KCNIP4: variants seen among roughly 807,000 people sequenced by gnomAD.
KCNIP4 encodes Kv channel-interacting protein 4.
In KCNIP4, 12 loss-of-function variants were observed where a neutral mutation model predicts 34.0. The ratio of observed to expected loss-of-function variants is 0.35; its 90% CI spans 0.23 to 0.57. The LOEUF is 0.57. Ranked by LOEUF, KCNIP4 falls within the 20% of genes least tolerant of loss-of-function variation. The probability of loss-of-function intolerance (pLI) is 0.83; values close to 1 mark genes in which losing one functional copy is unlikely to be tolerated. For missense variants in KCNIP4, 238 were observed against 311.7 expected (o/e 0.76, Z 1.78); for synonymous variants, 124 against 102.2 (o/e 1.21, Z -1.29).
At chr4:20,813,576 T>C (rs192662079) in intron 3 of KCNIP4, among the ~76,000 whole-genome samples, 112 of 152,304 alleles carry the variant, frequency 7.4e-4, no homozygotes, top group Non-Finnish European at 1.2e-3. Flanking sequence ...TTACATGGTA[T>C]CTAACATATT....
intron 1 of KCNIP4, among the ~76,000 whole-genome samples, chr4:21,490,565 T>A (rs1282488362): frequency 1.3e-5 from 2 of 152,196 alleles, no homozygotes; most frequent in Non-Finnish European, 2.9e-5. Context: ...ATTAGAAATA[T>A]GAACTCATTT....
intron 1 of KCNIP4, among the ~76,000 whole-genome samples, chr4:20,956,279 T>G (rs1160368217): frequency 6.6e-6 from 1 of 152,110 alleles, no homozygotes; most frequent in Non-Finnish European, 1.5e-5. Flanking sequence ...CTGAGGTGGG[T>G]GGATCACGAG....
intron 1 of KCNIP4, among the ~76,000 whole-genome samples, chr4:21,741,894 G>C (rs1043428590): frequency 5.3e-5 from 8 of 151,896 alleles, no homozygotes; most frequent in Admixed American, 3.3e-4. Context: ...AAAATTAGCT[G>C]GGCATGGTGA....
At position 21,072,677 on chromosome 4, in the gene KCNIP4, T is replaced by C. The variant is rs529708188; in HGVS notation, c.62-189968A>G. On this transcript the variant is annotated intron_variant, in intron 1 of 8. Coordinates refer to ENST00000382152, the MANE Select transcript of KCNIP4 (RefSeq NM_025221.6). ...AGATCCCATTTGTCAATTTTGGTTTTTGTTGCCATTGCTTTTCGTGTTTTA... is the reference window on the plus strand; with the variant it reads ...AGATCCCATTTGTCAATTTTGGTTTCTGTTGCCATTGCTTTTCGTGTTTTA... Among the ~76,000 whole-genome samples the C allele has an allele frequency of 9.8e-5, 15 of 152,308 alleles. No homozygotes were observed. The South Asian group carries it at 2.1e-3, about 21-fold the overall frequency.
chr4:20,995,571 A>G (rs1163259357), intron 1 of KCNIP4, among the ~76,000 whole-genome samples: 1 of 152,158 alleles, frequency 6.6e-6, no homozygotes, highest in South Asian at 2.1e-4. Flanking sequence ...CACAAGCCAC[A>G]CTCACATTGC....
At chr4:21,064,433 G>A (rs1298649312) in intron 1 of KCNIP4, among the ~76,000 whole-genome samples, 1 of 151,678 alleles carries the variant, frequency 6.6e-6, no homozygotes, top group Non-Finnish European at 1.5e-5. Flanking sequence ...TGCTGCAATA[G>A]TATGTCATAA....
At chr4:21,520,262 T>C (rs1040053013) in intron 1 of KCNIP4, among the ~76,000 whole-genome samples, 1 of 151,902 alleles carries the variant, frequency 6.6e-6, no homozygotes, top group Admixed American at 6.6e-5. Flanking sequence ...TCAATCCCAA[T>C]CAAGTTGACA....
chr4:21,443,920 C>A (rs1198721871), intron 1 of KCNIP4, among the ~76,000 whole-genome samples: 1 of 151,754 alleles, frequency 6.6e-6, no homozygotes, highest in Non-Finnish European at 1.5e-5. Flanking sequence ...CAAACAGACA[C>A]AATAAAAAAT....
chr4:21,259,086 C>A (rs1446982369), intron 1 of KCNIP4, among the ~76,000 whole-genome samples: 2 of 152,118 alleles, frequency 1.3e-5, no homozygotes, highest in Admixed American at 1.3e-4. Context: ...ATACTTTTCA[C>A]GTCATACTGA....
At chr4:21,864,157 G>A (rs1306430783) in intron 1 of KCNIP4, among the ~76,000 whole-genome samples, 1 of 152,148 alleles carries the variant, frequency 6.6e-6, no homozygotes, top group East Asian at 1.9e-4. Flanking sequence ...ATAGTTTTCA[G>A]CACACTTTCT....
chr4:20,905,509 C>CTTTTTTTTTTTTT (rs10686415), intron 1 of KCNIP4, among the ~76,000 whole-genome samples: 5,675 of 72,152 alleles, frequency 0.079, 927 homozygotes, highest in South Asian at 0.11. Context: ...CGTTTTCTTT[C>CTTTTTTTTTTTTT]TTTTTTTTTT....
intron 1 of KCNIP4, among the ~76,000 whole-genome samples, chr4:20,924,715 C>T (rs1729727976): frequency 6.6e-6 from 1 of 152,132 alleles, no homozygotes; most frequent in Non-Finnish European, 1.5e-5. Context: ...CGTCCCAGAT[C>T]CACAATTTAT....
At chr4:21,032,085 G>A (rs941156492) in intron 1 of KCNIP4, among the ~76,000 whole-genome samples, 2 of 152,112 alleles carry the variant, frequency 1.3e-5, no homozygotes, top group African/African-American at 4.8e-5. Flanking sequence ...TGGCAGATGA[G>A]GAATGACAGG....
intron 1 of KCNIP4, among the ~76,000 whole-genome samples, chr4:20,889,910 C>T (rs1725744911): frequency 6.6e-6 from 1 of 151,888 alleles, no homozygotes; most frequent in African/African-American, 2.4e-5. Context: ...CTTTTCATCT[C>T]ATAAATATTT....
chr4:20,927,857 G>C (rs1021167413), intron 1 of KCNIP4, among the ~76,000 whole-genome samples: 13 of 151,996 alleles, frequency 8.6e-5, no homozygotes, highest in Admixed American at 7.2e-4. Context: ...TATTTTTAGA[G>C]CCAGACAACA....
intron 1 of KCNIP4, among the ~76,000 whole-genome samples, chr4:21,585,436 C>T (rs1741539720): frequency 1.3e-5 from 2 of 152,020 alleles, no homozygotes; most frequent in Admixed American, 1.3e-4. Flanking sequence ...ACTTAAATTA[C>T]TTTTATAAAA....
At chr4:21,085,350 G>A (rs1746329336) in intron 1 of KCNIP4, among the ~76,000 whole-genome samples, 1 of 152,156 alleles carries the variant, frequency 6.6e-6, no homozygotes, top group African/African-American at 2.4e-5. Context: ...AAACCTGTGA[G>A]AAATAAATGT....
chr4:21,462,365 C>T (rs28778642), intron 1 of KCNIP4, among the ~76,000 whole-genome samples: 3,363 of 152,198 alleles, frequency 0.022, 130 homozygotes, highest in East Asian at 0.12. Context: ...ACGTGGATGG[C>T]GGCAGGCAAA....
intron 1 of KCNIP4, among the ~76,000 whole-genome samples, chr4:21,599,259 C>T (rs990763903): frequency 2.6e-5 from 4 of 152,016 alleles, no homozygotes; most frequent in African/African-American, 9.7e-5. Context: ...ATTTTTCAGT[C>T]TGTACAACCT....
Sources: allele counts gnomAD v4.1 joint callset (sites outside exome capture counted in the v4.1 genomes callset), GRCh38; gene constraint gnomAD v4.1.1; transcripts MANE v1.5; gene names NCBI Gene and HGNC (gene_info 2026-07-23, HGNC 2026-07-21).